Variants in TBC1D10B observed in about 807,000 individuals in gnomAD.
TBC1D10B encodes TBC1 domain family member 10B.
In TBC1D10B, 25 loss-of-function variants were observed where a neutral mutation model predicts 78.4. The ratio of observed to expected loss-of-function variants is 0.32; its 90% CI spans 0.23 to 0.45. The LOEUF is 0.45. TBC1D10B is among the 20% of genes least tolerant of loss of function. TBC1D10B has a pLI of 1.00. For missense variants in TBC1D10B, 996 were observed against 1,104.8 expected, an observed-to-expected ratio of 0.90 and a Z score of 1.40; for synonymous variants, 517 against 478.0, an observed-to-expected ratio of 1.08 and a Z score of -1.06.
At chr16:30,362,071 G>A (rs1012145131) in intron 4 of TBC1D10B, among the ~76,000 whole-genome samples, 5 of 151,246 alleles carry the variant, frequency 3.3e-5, no homozygotes, top group Non-Finnish European at 5.9e-5. Flanking sequence ...GGATGGTCTC[G>A]AACTCCTGAC....
intron 4 of TBC1D10B, among the ~76,000 whole-genome samples, chr16:30,361,665 A>G (rs1340534222): frequency 6.6e-6 from 1 of 151,384 alleles, no homozygotes; most frequent in East Asian, 2.0e-4. Flanking sequence ...TCAGCCTCCC[A>G]AAGTGCTGGG....
chr16:30,359,210 G>A lies in TBC1D10B; in HGVS notation c.1604C>T (p.Ala535Val), dbSNP rs778163297. The A allele has an allele frequency of 6.8e-6, 11 of 1,613,226 alleles. No individual in the cohort carries two copies. The highest frequency in any genetic ancestry group is 2.2e-5 in the East Asian group (1 of 44,834). ...MCIFARTLPW[A>V]SVLRVWDMFF... ...CATGTCCCAGACACGCAGCACCGAC[G>A]CCCAGGGCAGGGTGCGGGCGAAGAT... The change falls in exon 7 of 9, where the codon GCG (alanine) becomes GTG (valine). Residue 535 changes from alanine (A) to valine (V), a missense_variant. Coordinates refer to ENST00000409939, the MANE Select transcript of TBC1D10B (RefSeq NM_015527.4).
chr16:30,365,416 C>CGGCTTCCTG lies in TBC1D10B; in HGVS notation c.1056+70_1056+78dup. The CGGCTTCCTG allele has an allele frequency of 6.5e-7, 1 of 1,534,798 alleles. No individual in the cohort carries two copies. Among genetic ancestry groups the CGGCTTCCTG allele is most frequent in the Non-Finnish European group, 9.0e-7 (1 of 1,109,060 alleles). On this transcript the variant is annotated intron_variant, in intron 2 of 8. Transcript: ENST00000409939. This position sits in a 1 kb window ranked among gnomAD's most constrained non-coding sequence, Gnocchi z 5.0. ...GTGTGGTCCAGAGGGCAGATATTAT[C>CGGCTTCCTG]GGCTTCCTGGGCTTCCCTGGAGCAC...
Position 30,365,116 on chromosome 16 carries a change from C to T in TBC1D10B, c.1153G>A (p.Gly385Arg), listed in dbSNP as rs1436413204. 1.2e-6 allele frequency: 2 copies of T among 1,613,878 alleles called. No individual in the cohort carries two copies. Among genetic ancestry groups the T allele is most frequent in the African/African-American group, 1.3e-5 (1 of 74,924 alleles). ...NSKELLEQNP[G>R]KFEELERAPG... is the part of the protein sequence containing the mutation. The stretch of plus-strand genomic sequence containing the variant: ...GGAGCTGCACGCACCTCAAACTTTC[C>T]TGGGTTCTGCTCCAGAAGTTCCTTG... Residue 385 changes from glycine (G) to arginine (R), a missense_variant, in exon 3 of 9, where the codon GGA becomes AGA. Physicochemically the swap from Gly to Arg is moderately radical, Grantham distance 125. Around this residue, in one of 5 missense-constraint regions of TBC1D10B, gnomAD observed 93 missense variants for 152.7 expected, o/e 0.61. Coordinates refer to ENST00000409939, the MANE Select transcript of TBC1D10B (RefSeq NM_015527.4). The surrounding 1 kb of genome is among the most constrained non-coding windows in gnomAD (Gnocchi z 5.0).
rs1384540453 is a variant in TBC1D10B, at chr16:30,359,825, G to A, written c.1288C>T (p.Arg430Ter). Residue 430 changes from arginine to a stop codon, truncating the protein, a stop_gained, in exon 5 of 9, where the codon CGA becomes TGA. Transcript: ENST00000409939. LOFTEE classifies it high-confidence loss of function. The stretch of plus-strand genomic sequence containing the variant: ...TAGATGGTGTAGGCCTTCAGGATTC[G>A]GTACAGGTCCTGTTGCCTGTGGGGG... ...RGGHGQQDLY[R>*]ILKAYTIYRP... The A allele has an allele frequency of 1.9e-6, 3 of 1,566,716 alleles. No individual in the cohort carries two copies. The highest frequency in any genetic ancestry group is 1.7e-6 in the Non-Finnish European group (2 of 1,155,336).
In TBC1D10B at chr16:30,358,579, C is replaced by T. The variant is rs777123222; in HGVS notation, c.1798-6G>A. ...GTCACCGGCAGATTGGTCACCTGCA[C>T]AGAGAGGAAATGCGTACCAGAATGG... is the stretch of plus-strand genomic sequence containing the variant. On this transcript the variant is annotated splice_polypyrimidine_tract_variant and splice_region_variant and intron_variant, in intron 8 of 8. Transcript: ENST00000409939. 6.3e-7 allele frequency: 1 copy of T among 1,596,100 alleles called. No homozygotes were observed. The highest frequency in any genetic ancestry group is 8.6e-7 in the Non-Finnish European group (1 of 1,166,960).
chr16:30,369,138 G>A lies in TBC1D10B; in HGVS notation c.956+90C>T. On this transcript the variant is annotated intron_variant, in intron 1 of 8. Transcript: ENST00000409939. This position sits in a 1 kb window ranked among gnomAD's most constrained non-coding sequence, Gnocchi z 4.3. ...ATCCTCAGAGGAGGCTGGGCTGCCA[G>A]AGTCTGGGCAAAGTGTATCGTTTTC... 7.4e-7 allele frequency: 1 copy of A among 1,343,448 alleles called. No homozygotes were observed. The highest frequency in any genetic ancestry group is 1.0e-6 in the Non-Finnish European group (1 of 1,001,252). 83.2% of individuals were successfully genotyped at this position (1,343,448 alleles called of 1,614,324 possible).
At position 30,357,634 on chromosome 16, in the gene TBC1D10B, C is replaced by A; in HGVS notation, c.*310G>T. The A allele has an allele frequency of 2.3e-6, 1 of 441,922 alleles. No individual in the cohort carries two copies. Among genetic ancestry groups the A allele is most frequent in the Non-Finnish European group, 4.1e-6 (1 of 245,424 alleles). The allele number at this position is 441,922 out of a possible 1,614,324, so 27.4% of individuals were successfully genotyped here. On this transcript the variant is annotated 3_prime_UTR_variant, in exon 9 of 9. Coordinates refer to ENST00000409939, the MANE Select transcript of TBC1D10B (RefSeq NM_015527.4). ...ATCTGAAACTGCTGACTCCCATCAC[C>A]AGGAGTCACCCCTGGGATGACAACG...
chr16:30,365,827 C>T lies in TBC1D10B; in HGVS notation c.957-233G>A. On this transcript the variant is annotated intron_variant, in intron 1 of 8. Transcript: ENST00000409939. This position sits in a 1 kb window ranked among gnomAD's most constrained non-coding sequence, Gnocchi z 5.0. Reference sequence around the variant, plus strand: ...TATTTAAATCTCACTTCTGACACATCCAAATCTGGGGAGAGAGTATGGAGT... The same window carrying T: ...TATTTAAATCTCACTTCTGACACATTCAAATCTGGGGAGAGAGTATGGAGT... The T allele has an allele frequency of 1.9e-6, 1 of 515,564 alleles. No individual in the cohort carries two copies. Among genetic ancestry groups the T allele is most frequent in the African/African-American group, 1.9e-5 (1 of 52,212 alleles). The allele number at this position is 515,564 out of a possible 1,614,324, so 31.9% of individuals were successfully genotyped here.
In TBC1D10B at chr16:30,365,829, A is replaced by C; in HGVS notation, c.957-235T>G. The C allele has an allele frequency of 2.0e-6, 1 of 512,446 alleles. No homozygotes were observed. The highest frequency in any genetic ancestry group is 2.2e-5 in the South Asian group (1 of 45,096). 31.7% of individuals were successfully genotyped at this position (512,446 alleles called of 1,614,324 possible). A position where few individuals can be genotyped will look rare whatever the true frequency, so the allele number is the denominator to read the frequency against. On this transcript the variant is annotated intron_variant, in intron 1 of 8. Coordinates refer to ENST00000409939, the MANE Select transcript of TBC1D10B (RefSeq NM_015527.4). The surrounding 1 kb of genome is among the most constrained non-coding windows in gnomAD (Gnocchi z 5.0). ...TTTAAATCTCACTTCTGACACATCC[A>C]AATCTGGGGAGAGAGTATGGAGTAT...
At chr16:30,368,228 C>T (rs764750035) in intron 1 of TBC1D10B, among the ~76,000 whole-genome samples, 4 of 152,306 alleles carry the variant, frequency 2.6e-5, no homozygotes, top group East Asian at 3.9e-4. Flanking sequence ...TCCCTGCACA[C>T]ATAGCCAAGA....
intron 1 of TBC1D10B, chr16:30,366,541 A>T (rs1398211520): frequency 1.3e-5 from 2 of 152,104 alleles, no homozygotes; most frequent in Non-Finnish European, 2.9e-5. Flanking sequence ...AATACAGAAC[A>T]AATGTACTTC....
Position 30,364,989 on chromosome 16 carries a change from A to G in TBC1D10B, c.1182T>C (p.Pro394=), listed in dbSNP as rs1044233454. The change falls in exon 4 of 9, where the codon CCT becomes CCC. Residue 394 remains proline (P), a synonymous_variant. Coordinates refer to ENST00000409939, the MANE Select transcript of TBC1D10B (RefSeq NM_015527.4). ...PGKFEELERA[P]GDPKWLDVIE... ...TCACATCCAGCCACTTGGGGTCCCC[A>G]GGAGCCCGTTCCAGCTCCTGCAGTG... 6.2e-7 allele frequency: 1 copy of G among 1,613,330 alleles called. No homozygotes were observed. Among genetic ancestry groups the G allele is most frequent in the Non-Finnish European group, 8.5e-7 (1 of 1,179,630 alleles).
Position 30,359,225 on chromosome 16 carries a change from C to T in TBC1D10B, c.1589G>A (p.Arg530His), listed in dbSNP as rs150170022. Residue 530 changes from arginine to histidine, a missense_variant, in exon 7 of 9, where the codon CGC (arginine) becomes CAC (histidine). Arg to His is a conservative substitution (Grantham distance 29). Coordinates refer to ENST00000409939, the MANE Select transcript of TBC1D10B (RefSeq NM_015527.4). ...CAGCACCGACGCCCAGGGCAGGGTG[C>T]GGGCGAAGATGCACATGAACCACTC... Reference protein sequence around the residue: ...MTEWFMCIFARTLPWASVLRV... With the variant: ...MTEWFMCIFAHTLPWASVLRV... 1.2e-6 allele frequency: 2 copies of T among 1,612,820 alleles called. No homozygotes were observed. Among genetic ancestry groups the T allele is most frequent in the African/African-American group, 1.3e-5 (1 of 75,048 alleles).
At chr16:30,363,571 C>T (rs1256517094) in intron 4 of TBC1D10B, among the ~76,000 whole-genome samples, 1 of 152,110 alleles carries the variant, frequency 6.6e-6, no homozygotes, top group Non-Finnish European at 1.5e-5. Context: ...GCCGGGGCAA[C>T]ATGATGAAAA....
In TBC1D10B at chr16:30,365,837, GGAGA is replaced by G. The variant is rs2049631576; in HGVS notation, c.957-247_957-244del. The G allele has an allele frequency of 2.0e-6, 1 of 497,186 alleles. No homozygotes were observed. Among genetic ancestry groups the G allele is most frequent in the African/African-American group, 1.9e-5 (1 of 51,818 alleles). The allele number at this position is 497,186 out of a possible 1,614,324, so 30.8% of individuals were successfully genotyped here. A position where few individuals can be genotyped will look rare whatever the true frequency, so the allele number is the denominator to read the frequency against. On this transcript the variant is annotated intron_variant, in intron 1 of 8. Coordinates refer to ENST00000409939, the MANE Select transcript of TBC1D10B (RefSeq NM_015527.4). This position sits in a 1 kb window ranked among gnomAD's most constrained non-coding sequence, Gnocchi z 5.0. Reference sequence around the variant, plus strand: ...TCACTTCTGACACATCCAAATCTGGGGAGAGAGTATGGAGTATTTTAAAGCCACA... The same window carrying G: ...TCACTTCTGACACATCCAAATCTGGGGAGTATGGAGTATTTTAAAGCCACA...
Position 30,358,206 on chromosome 16 carries a change from C to T in TBC1D10B, c.2165G>A (p.Arg722Gln), listed in dbSNP as rs769712315. Residue 722 changes from arginine to glutamine, a missense_variant, in exon 9 of 9, where the codon CGG becomes CAG. Arg to Gln is a conservative substitution (Grantham distance 43). This residue lies in a region of TBC1D10B where 285 missense variants were observed against 252.5 expected (regional missense o/e 1.13). Transcript: ENST00000409939. ...STPLGSSKET[R>Q]KQEKERQKQE... ...TTTCTGCCGCTCCTTCTCCTGCTTC[C>T]GGGTCTCCTTGCTGGAACCCAAGGG... The T allele has an allele frequency of 1.7e-5, 26 of 1,552,698 alleles. No homozygotes were observed. Among genetic ancestry groups the T allele is most frequent in the Admixed American group, 3.9e-5 (2 of 51,062 alleles).
In TBC1D10B at chr16:30,369,985, C is replaced by T. The variant is rs1309511775; in HGVS notation, c.199G>A (p.Ala67Thr). The part of the protein sequence containing the change: ...EARPAWVPGS[A>T]ETSAPAPAPA... ...GCCGGGGCCGGAGCAGAGGTCTCGG[C>T]CGACCCCGGGACCCAGGCGGGCCGC... The change falls in exon 1 of 9, where the codon GCC (alanine) becomes ACC (threonine). Residue 67 changes from alanine (A) to threonine (T), a missense_variant. Physicochemically the swap from Ala to Thr is moderately conservative, Grantham distance 58. This residue lies in a region of TBC1D10B where 448 missense variants were observed against 442.1 expected (regional missense o/e 1.01). Transcript: ENST00000409939. This position sits in a 1 kb window ranked among gnomAD's most constrained non-coding sequence, Gnocchi z 4.3. 5 of 1,243,416 alleles carry T rather than the reference C, an allele frequency of 4.0e-6. No individual in the cohort carries two copies. The African/African-American group carries it at 7.8e-5, about 19-fold the overall frequency. 77.0% of individuals were successfully genotyped at this position (1,243,416 alleles called of 1,614,324 possible).
In TBC1D10B at chr16:30,359,324, A is replaced by G; in HGVS notation, c.1490T>C (p.Leu497Pro). 6.3e-7 allele frequency: 1 copy of G among 1,586,790 alleles called. No individual in the cohort carries two copies. The highest frequency in any genetic ancestry group is 8.6e-7 in the Non-Finnish European group (1 of 1,167,174). Residue 497 changes from leucine to proline, a missense_variant, in exon 7 of 9, where the codon CTC becomes CCC. By Grantham distance (98) the Leu-to-Pro change is moderately conservative (BLOSUM62 -3). Coordinates refer to ENST00000409939, the MANE Select transcript of TBC1D10B (RefSeq NM_015527.4). ...CGCCAGCGGGGAGGCCCGGCGCAGG[A>G]GTGCAAAAAAGATCTCCCCGTCCAG... ...IQLDGEIFFALLRRASPLAHR... is the reference protein window; with the variant it reads ...IQLDGEIFFAPLRRASPLAHR...
Sources: allele counts gnomAD v4.1 joint callset (sites outside exome capture counted in the v4.1 genomes callset), GRCh38; gene constraint gnomAD v4.1.1; regional missense constraint gnomAD v4.1.1; non-coding constraint Gnocchi (gnomAD v3.1); transcripts MANE v1.5; gene names NCBI Gene and HGNC (gene_info 2026-07-23, HGNC 2026-07-21).